Variants in PCSK5 observed in about 807,000 individuals in gnomAD.
PCSK5 encodes prohormone convertase 5.
Under a neutral mutation model 233.2 loss-of-function variants are expected in PCSK5, and 129 were observed. The ratio of observed to expected loss-of-function variants is 0.55; its 90% CI spans 0.48 to 0.64. The LOEUF is 0.64. Ranked by LOEUF, PCSK5 falls within the 30% of genes least tolerant of loss-of-function variation. The probability of loss-of-function intolerance (pLI) is 0.00; values close to 1 mark genes in which losing one functional copy is unlikely to be tolerated. For synonymous variants in PCSK5, 825 were observed against 879.2 expected (o/e 0.94, Z 1.09); for missense variants, 2,076 against 2,430.1 (o/e 0.85, Z 3.06).
intron 2 of PCSK5, among the ~76,000 whole-genome samples, chr9:75,935,003 G>A (rs1043558581): frequency 1.3e-5 from 2 of 152,056 alleles, no homozygotes; most frequent in African/African-American, 2.4e-5. Context: ...AAATGTTAAT[G>A]TTTTACATTT....
intron 9 of PCSK5, among the ~76,000 whole-genome samples, chr9:76,122,835 T>C (rs1424880607): frequency 1.3e-5 from 2 of 148,632 alleles, no homozygotes; most frequent in Non-Finnish European, 3.0e-5. Context: ...TTCTTTTTTT[T>C]TTTTTTTTAA....
intron 9 of PCSK5, among the ~76,000 whole-genome samples, chr9:76,123,455 C>T (rs1832725376): frequency 6.6e-6 from 1 of 152,080 alleles, no homozygotes; most frequent in African/African-American, 2.4e-5. Context: ...CCTTTGACTC[C>T]TTGCTATATA....
At chr9:76,191,286 G>C (rs1453703702) in intron 20 of PCSK5, among the ~76,000 whole-genome samples, 1 of 152,076 alleles carries the variant, frequency 6.6e-6, no homozygotes, top group Non-Finnish European at 1.5e-5. Context: ...CCCTTCTTTT[G>C]AATGTTTCCC....
intron 12 of PCSK5, among the ~76,000 whole-genome samples, chr9:76,168,027 A>G (rs10869717): frequency 0.44 from 66,764 of 151,994 alleles, 14,866 homozygotes; most frequent in South Asian, 0.54. Context: ...TTAAAGTTCT[A>G]TACAAAAAGG....
chr9:76,185,419 A>T (rs935930870), intron 17 of PCSK5, among the ~76,000 whole-genome samples: 4 of 152,218 alleles, frequency 2.6e-5, no homozygotes, highest in African/African-American at 9.6e-5. Flanking sequence ...TGTACGTAGA[A>T]TTAGAACTCT....
intron 1 of PCSK5, among the ~76,000 whole-genome samples, chr9:75,908,709 A>G (rs1273275869): frequency 1.3e-5 from 2 of 152,064 alleles, no homozygotes; most frequent in South Asian, 2.1e-4. Context: ...CTCAGATGTC[A>G]TTTCCTCAAA....
chr9:76,190,289 A>T (rs1824308123), intron 20 of PCSK5, among the ~76,000 whole-genome samples: 1 of 148,950 alleles, frequency 6.7e-6, no homozygotes, highest in South Asian at 2.1e-4. Flanking sequence ...CTGCCCTGAA[A>T]CTCCTCTGTG....
At chr9:76,053,227 C>T (rs1356115465) in intron 5 of PCSK5, among the ~76,000 whole-genome samples, 7 of 152,320 alleles carry the variant, frequency 4.6e-5, no homozygotes, top group African/African-American at 1.2e-4. Flanking sequence ...TAGGGACACT[C>T]TTTTGGGGGG....
intron 3 of PCSK5, among the ~76,000 whole-genome samples, chr9:75,990,905 A>G (rs767595001): frequency 1.3e-5 from 2 of 152,198 alleles, no homozygotes; most frequent in African/African-American, 2.4e-5. Context: ...ACTAACGTGT[A>G]GTATGTGGTA....
intron 3 of PCSK5, among the ~76,000 whole-genome samples, chr9:76,013,027 T>C (rs1827796099): frequency 6.6e-6 from 1 of 151,748 alleles, no homozygotes; most frequent in African/African-American, 2.4e-5. Flanking sequence ...GCCAAAAAAA[T>C]CTGGAAAGAC....
At position 76,112,028 on chromosome 9, in the gene PCSK5, TTA is replaced by T. The variant is rs544313529; in HGVS notation, c.1208+4678_1208+4679del. Reference sequence around the variant, plus strand: ...AGTTTTCCTCACCCATCTGCAATTATTAGCAATGAAAAGCTTATTTTAGTGGA... The same window carrying T: ...AGTTTTCCTCACCCATCTGCAATTATGCAATGAAAAGCTTATTTTAGTGGA... On this transcript the variant is annotated intron_variant, in intron 9 of 37. Transcript: ENST00000674117. 2.2e-4 allele frequency among the ~76,000 whole-genome samples: 33 copies of T among 152,334 alleles called. No homozygotes were observed. In the South Asian group the frequency reaches 6.6e-3, roughly 31 times the overall value.
chr9:76,144,761 T>C (rs1444094716), intron 10 of PCSK5, among the ~76,000 whole-genome samples: 1 of 152,244 alleles, frequency 6.6e-6, no homozygotes, highest in Admixed American at 6.5e-5. Context: ...CAGCCATTGC[T>C]TCAGTCTTGA....
At chr9:76,003,638 A>G (rs73650416) in intron 3 of PCSK5, among the ~76,000 whole-genome samples, 4,805 of 152,324 alleles carry the variant, frequency 0.032, 236 homozygotes, top group African/African-American at 0.11. Context: ...CCTAAGAACA[A>G]CATTCTCCTG....
intron 5 of PCSK5, among the ~76,000 whole-genome samples, chr9:76,055,263 C>T (rs997910234): frequency 2.3e-4 from 35 of 152,058 alleles, no homozygotes; most frequent in African/African-American, 8.2e-4. Context: ...GTTTTCCTGA[C>T]TCTCTTCCCC....
At position 76,296,832 on chromosome 9, in the gene PCSK5, A is replaced by G. The variant is rs1317292946; in HGVS notation, c.3490A>G (p.Thr1164Ala). The G allele has an allele frequency of 6.2e-7, 1 of 1,612,288 alleles. No homozygotes were observed. Among genetic ancestry groups the G allele is most frequent in the East Asian group, 2.2e-5 (1 of 44,832 alleles). Residue 1164 changes from threonine (T) to alanine (A), a missense_variant, in exon 27 of 38, where the codon ACC becomes GCC. Coordinates refer to ENST00000674117, the MANE Select transcript of PCSK5 (RefSeq NM_001372043.1). Reference sequence around the variant, plus strand: ...GCTGCGTGGGATGTGCGTGCATGCCACCAAGACCCAGGAGGAGGGCAAATT... The same window carrying G: ...GCTGCGTGGGATGTGCGTGCATGCCGCCAAGACCCAGGAGGAGGGCAAATT... ...QLLRGMCVHA[T>A]KTQEEGKFWN...
intron 2 of PCSK5, among the ~76,000 whole-genome samples, chr9:75,948,536 AC>A (rs1824693673): frequency 1.3e-5 from 2 of 152,028 alleles, no homozygotes; most frequent in African/African-American, 4.8e-5. Context: ...TATATGTGCC[AC>A]ATTTTCTTAA....
At chr9:75,914,732 T>C (rs1019842199) in intron 1 of PCSK5, among the ~76,000 whole-genome samples, 1 of 152,188 alleles carries the variant, frequency 6.6e-6, no homozygotes, top group African/African-American at 2.4e-5. Context: ...ATATATTTCT[T>C]TAATAATTCT....
chr9:76,103,558 T>C (rs1831851388), intron 8 of PCSK5, among the ~76,000 whole-genome samples: 3 of 152,114 alleles, frequency 2.0e-5, no homozygotes, highest in African/African-American at 7.2e-5. Flanking sequence ...TACTAGGACA[T>C]AATTGCTTAG....
intron 22 of PCSK5, 148 bp downstream of exon 22, chr9:76,233,744 C>T: frequency 1.4e-6 from 1 of 710,580 alleles, no homozygotes; most frequent in Non-Finnish European, 2.3e-6. Flanking sequence ...CAACCTTGAA[C>T]TTTCTGCTTG....
Sources: gnomAD v4.1 joint callset for allele counts (sites outside exome capture counted in the v4.1 genomes callset) on GRCh38, gnomAD v4.1.1 for gene constraint, MANE v1.5 for transcripts, NCBI Gene and HGNC (gene_info 2026-07-23, HGNC 2026-07-21) for gene names.